GRIA1: variants seen among roughly 807,000 people sequenced by gnomAD.
GRIA1 encodes the protein glutamate receptor 1.
Under a neutral mutation model 99.2 loss-of-function variants are expected in GRIA1, and 31 were observed. The ratio of observed to expected loss-of-function variants is 0.31; its 90% CI spans 0.23 to 0.42. The LOEUF (loss-of-function observed/expected upper bound fraction) is 0.42, where lower values mean the gene tolerates loss of function less well. GRIA1 is among the 10% of genes least tolerant of loss of function. The pLI, the probability that GRIA1 is intolerant of heterozygous loss-of-function variation, is 1.00. For missense variants in GRIA1, 782 were observed against 1,157.5 expected (o/e 0.68, Z 4.71); for synonymous variants, 438 against 432.4 (o/e 1.01, Z -0.16).
intron 2 of GRIA1, among the ~76,000 whole-genome samples, chr5:153,629,772 C>T (rs1048700693): frequency 1.3e-5 from 2 of 152,242 alleles, no homozygotes; most frequent in African/African-American, 4.8e-5. Flanking sequence ...ATGTGCAGAA[C>T]ATGCTGTTCT....
At chr5:153,605,358 A>T (rs1186693397) in intron 2 of GRIA1, among the ~76,000 whole-genome samples, 4 of 152,202 alleles carry the variant, frequency 2.6e-5, no homozygotes, top group African/African-American at 9.6e-5. Flanking sequence ...TCATTCCTGT[A>T]TAGGATTCTA....
At chr5:153,692,345 A>G (rs1393520252) in intron 8 of GRIA1, among the ~76,000 whole-genome samples, 1 of 152,202 alleles carries the variant, frequency 6.6e-6, no homozygotes, top group East Asian at 1.9e-4. Flanking sequence ...ACTTCTGCCT[A>G]CTGGCCAAAT....
At chr5:153,627,148 A>T (rs1331842126) in intron 2 of GRIA1, among the ~76,000 whole-genome samples, 1 of 152,216 alleles carries the variant, frequency 6.6e-6, no homozygotes, top group African/African-American at 2.4e-5. Flanking sequence ...AGATAATGTT[A>T]TTTATAAAAC....
At chr5:153,491,241 G>T in intron 1 of GRIA1, 1 of 1,325,912 alleles carries the variant, frequency 7.5e-7, no homozygotes, top group South Asian at 2.1e-5. Flanking sequence ...CCATCGCTTT[G>T]GAGGAAAAAA....
chr5:153,679,293 C>T lies in GRIA1; in HGVS notation c.1029+2132C>T, dbSNP rs550711602. Among the ~76,000 whole-genome samples the T allele has an allele frequency of 5.3e-5, 8 of 152,240 alleles. No homozygotes were observed. The East Asian group carries it at 1.3e-3, about 26-fold the overall frequency. On this transcript the variant is annotated intron_variant, in intron 7 of 15. Coordinates refer to ENST00000285900, the MANE Select transcript of GRIA1 (RefSeq NM_000827.4). Reference sequence around the variant, plus strand: ...TATCCCAAATAAATAAATAAATAAACAAACAAACAAATAAACCAGAACATT... The same window carrying T: ...TATCCCAAATAAATAAATAAATAAATAAACAAACAAATAAACCAGAACATT...
At chr5:153,736,757 G>A (rs1761406479) in intron 11 of GRIA1, among the ~76,000 whole-genome samples, 2 of 152,184 alleles carry the variant, frequency 1.3e-5, no homozygotes, top group Admixed American at 6.5e-5. Context: ...AATTTTCCAA[G>A]ACTTTTACAC....
intron 2 of GRIA1, among the ~76,000 whole-genome samples, chr5:153,630,331 C>G (rs1752853951): frequency 6.6e-6 from 1 of 152,124 alleles, no homozygotes; most frequent in South Asian, 2.1e-4. Context: ...CAATGATCCC[C>G]TTTCTTTTCT....
chr5:153,750,300 C>A (rs890826368), intron 11 of GRIA1, among the ~76,000 whole-genome samples: 1 of 152,130 alleles, frequency 6.6e-6, no homozygotes, highest in African/African-American at 2.4e-5. Flanking sequence ...TAGAGACAGG[C>A]CATCTGAGCC....
At chr5:153,639,582 CT>C (rs1314130398) in intron 2 of GRIA1, among the ~76,000 whole-genome samples, 1 of 152,196 alleles carries the variant, frequency 6.6e-6, no homozygotes, top group Non-Finnish European at 1.5e-5. Flanking sequence ...TAAAATAGTC[CT>C]GCCAGTCACT....
At chr5:153,758,511 TATA>T (rs1762974469) in intron 11 of GRIA1, among the ~76,000 whole-genome samples, 1 of 151,914 alleles carries the variant, frequency 6.6e-6, no homozygotes, top group Non-Finnish European at 1.5e-5. Context: ...AGCAAGAGAA[TATA>T]ATAATTATAA....
At chr5:153,493,892 A>G in intron 1 of GRIA1, 36 bp from the exon 2 acceptor site, 1 of 1,612,168 alleles carries the variant, frequency 6.2e-7, no homozygotes, top group Non-Finnish European at 8.5e-7. Flanking sequence ...ACCTGTCTCT[A>G]GCCCATATAC....
intron 8 of GRIA1, among the ~76,000 whole-genome samples, chr5:153,688,863 G>T (rs553018679): frequency 1.9e-4 from 29 of 152,042 alleles, no homozygotes; most frequent in African/African-American, 6.8e-4. Flanking sequence ...GGGATTATAG[G>T]TGCCCATCAC....
chr5:153,651,712 C>T (rs1383334259), intron 4 of GRIA1, among the ~76,000 whole-genome samples: 1 of 152,128 alleles, frequency 6.6e-6, no homozygotes, highest in African/African-American at 2.4e-5. Flanking sequence ...CTTTAAGGCA[C>T]TAACTGTTCT....
intron 5 of GRIA1, among the ~76,000 whole-genome samples, chr5:153,667,301 A>G (rs1755815681): frequency 6.6e-6 from 1 of 152,204 alleles, no homozygotes; most frequent in Non-Finnish European, 1.5e-5. Context: ...GTGTGGTGTC[A>G]GCACAGGCAG....
intron 6 of GRIA1, 92 bp downstream of exon 6, chr5:153,674,753 A>C (rs1246562198): frequency 7.5e-7 from 1 of 1,329,032 alleles, no homozygotes; most frequent in Non-Finnish European, 1.0e-6. Context: ...CAAAGGAATC[A>C]GTTTTCTAAA....
intron 2 of GRIA1, among the ~76,000 whole-genome samples, chr5:153,553,808 TGGC>T (rs1760371094): frequency 2.6e-5 from 4 of 152,154 alleles, no homozygotes; most frequent in African/African-American, 9.7e-5. Flanking sequence ...TGCCTTTCCC[TGGC>T]ACTGGCTGCA....
intron 2 of GRIA1, among the ~76,000 whole-genome samples, chr5:153,641,587 G>C (rs931393291): frequency 6.6e-6 from 1 of 152,114 alleles, no homozygotes; most frequent in Non-Finnish European, 1.5e-5. Flanking sequence ...TTGGAGGCAG[G>C]GCCCTCAGAA....
chr5:153,806,275 T>C (rs1766420132), intron 15 of GRIA1, among the ~76,000 whole-genome samples: 1 of 152,150 alleles, frequency 6.6e-6, no homozygotes, highest in Non-Finnish European at 1.5e-5. Flanking sequence ...TTTTATTTTA[T>C]TTTATTTTGA....
intron 2 of GRIA1, among the ~76,000 whole-genome samples, chr5:153,603,621 A>G (rs1008108904): frequency 6.6e-6 from 1 of 152,262 alleles, no homozygotes; most frequent in Non-Finnish European, 1.5e-5. Flanking sequence ...ATATGTAAAT[A>G]TCGACATCTC....
Sources: allele counts gnomAD v4.1 joint callset (sites outside exome capture counted in the v4.1 genomes callset), GRCh38; gene constraint gnomAD v4.1.1; transcripts MANE v1.5; gene names NCBI Gene and HGNC (gene_info 2026-07-23, HGNC 2026-07-21).